ZFHX3: variants seen among roughly 807,000 people sequenced by gnomAD.
ZFHX3 encodes zinc finger homeobox 3.
ZFHX3 carries 42 observed loss-of-function variants against 279.1 expected under a neutral mutation model. The observed-to-expected ratio is 0.15, with a 90% confidence interval of 0.12 to 0.19. The LOEUF is 0.19. Ranked by LOEUF, ZFHX3 falls within the 10% of genes least tolerant of loss-of-function variation. The pLI, the probability that ZFHX3 is intolerant of heterozygous loss-of-function variation, is 1.00. For synonymous variants in ZFHX3, 2,293 were observed against 1,957.8 expected, an observed-to-expected ratio of 1.17 and a Z score of -4.52; for missense variants, 4,981 against 4,754.0, an observed-to-expected ratio of 1.05 and a Z score of -1.40.
intron 1 of ZFHX3, among the ~76,000 whole-genome samples, chr16:73,860,541 C>T (rs1010386979): frequency 3.9e-5 from 6 of 152,166 alleles, no homozygotes; most frequent in African/African-American, 1.4e-4. Flanking sequence ...AATACAAATG[C>T]ATCACATAAA....
chr16:72,788,414 G>T lies in ZFHX3; in HGVS notation c.9862C>A (p.Leu3288Met). 3 of 1,614,234 alleles carry T rather than the reference G, an allele frequency of 1.9e-6. No individual in the cohort carries two copies. Among genetic ancestry groups the T allele is most frequent in the East Asian group, 4.5e-5 (2 of 44,880 alleles). The change falls in exon 10 of 10, where the codon CTG becomes ATG. Residue 3288 changes from leucine (L) to methionine (M), a missense_variant. Around this residue, in one of 7 missense-constraint regions of ZFHX3, gnomAD observed 1,034 missense variants for 786.0 expected, o/e 1.32. Transcript: ENST00000268489. ...TMEYAVDPAQ[L>M]QALQAALTSD... ...GTCAACGCGGCCTGCAGGGCCTGCA[G>T]CTGTGCAGGGTCTACCGCATACTCC...
chr16:72,786,066 G>GGAAAGAGAAAGTGGAATTAAGGGACAA lies in ZFHX3; in HGVS notation c.*1071_*1097dup, dbSNP rs1218449277. On this transcript the variant is annotated 3_prime_UTR_variant, in exon 10 of 10. Coordinates refer to ENST00000268489, the MANE Select transcript of ZFHX3 (RefSeq NM_006885.4). ...GATTATAGGACGGGAGGTGGGAGAAGGAAAGAGAAAGTGGAATTAAGGGAC... is the reference window on the plus strand; with the variant it reads ...GATTATAGGACGGGAGGTGGGAGAAGGAAAGAGAAAGTGGAATTAAGGGACAAGAAAGAGAAAGTGGAATTAAGGGAC... The GGAAAGAGAAAGTGGAATTAAGGGACAA allele has an allele frequency of 5.3e-5, 8 of 152,020 alleles. No homozygotes were observed. Among genetic ancestry groups the GGAAAGAGAAAGTGGAATTAAGGGACAA allele is most frequent in the Admixed American group, 1.3e-4 (2 of 15,264 alleles). 9.4% of individuals were successfully genotyped at this position (152,020 alleles called of 1,614,324 possible).
intron 1 of ZFHX3, among the ~76,000 whole-genome samples, chr16:73,756,201 A>C (rs866011330): frequency 1.3e-5 from 2 of 152,234 alleles, no homozygotes; most frequent in Non-Finnish European, 2.9e-5. Flanking sequence ...AGGGCACTGC[A>C]CATGGTCTCA....
chr16:72,819,351 G>A (rs189364124), intron 5 of ZFHX3, among the ~76,000 whole-genome samples: 24 of 152,128 alleles, frequency 1.6e-4, no homozygotes, highest in Admixed American at 1.4e-3. Flanking sequence ...AGGACTTACT[G>A]TCTAGTTAAG....
intron 2 of ZFHX3, among the ~76,000 whole-genome samples, chr16:73,474,884 C>T (rs1257303715): frequency 6.6e-6 from 1 of 152,194 alleles, no homozygotes; most frequent in African/African-American, 2.4e-5. Flanking sequence ...AGGAAAGAAT[C>T]AACCATTGAC....
intron 1 of ZFHX3, among the ~76,000 whole-genome samples, chr16:73,751,417 T>C (rs1334656150): frequency 3.9e-5 from 6 of 152,198 alleles, no homozygotes; most frequent in Non-Finnish European, 5.9e-5. Context: ...TCATCCATTC[T>C]AGTTTTTAAA....
chr16:73,010,513 C>A (rs1001887505), intron 1 of ZFHX3, among the ~76,000 whole-genome samples: 2 of 152,208 alleles, frequency 1.3e-5, no homozygotes, highest in African/African-American at 4.8e-5. Flanking sequence ...TGCATTAAAG[C>A]GAAAATGCTG....
intron 1 of ZFHX3, among the ~76,000 whole-genome samples, chr16:73,884,575 C>T (rs1009683361): frequency 1.3e-5 from 2 of 152,156 alleles, no homozygotes; most frequent in Non-Finnish European, 2.9e-5. Flanking sequence ...GCCCTGAGTA[C>T]CAGTGGTGTT....
chr16:73,167,171 G>A (rs77573303), intron 5 of ZFHX3, among the ~76,000 whole-genome samples: 1,576 of 152,334 alleles, frequency 0.01, 15 homozygotes, highest in Non-Finnish European at 0.015. Flanking sequence ...AACTGGCTTT[G>A]TAACTGTATT....
chr16:72,794,871 G>A lies in ZFHX3; in HGVS notation c.7811C>T (p.Pro2604Leu). Residue 2604 changes from proline (P) to leucine (L), a missense_variant, in exon 9 of 10, where the codon CCT becomes CTT. Pro to Leu is a moderately conservative substitution (Grantham distance 98, BLOSUM62 -3). Transcript: ENST00000268489. This position sits in a 1 kb window ranked among gnomAD's most constrained non-coding sequence, Gnocchi z 4.2. ...GTTCATTGTGGAGGTTGGAGTTGAA[G>A]GAGAAGTGGCTGAGCTTGCTGGAAT... ...PQIPASSATS[P>L]STPTSTMNTL... is the part of the protein sequence containing the mutation. The A allele has an allele frequency of 6.2e-7, 1 of 1,614,032 alleles. No homozygotes were observed. The highest frequency in any genetic ancestry group is 2.2e-5 in the East Asian group (1 of 44,876).
In ZFHX3 at chr16:73,092,828, C is replaced by T. The variant is rs1306027448; in HGVS notation, c.-533+407G>A. On this transcript the variant is annotated intron_variant, in intron 8 of 17. Coordinates refer to the ZFHX3 transcript ENST00000641206. The stretch of plus-strand genomic sequence containing the variant: ...GTGCTCTCCACTGCCCTTACCTGAA[C>T]AGACGGCTCATGCAGACCCGGAGTT... 3 of 466,300 alleles carry T rather than the reference C, an allele frequency of 6.4e-6. No individual in the cohort carries two copies. In the Admixed American group the frequency reaches 7.1e-5, roughly 11 times the overall value. The allele number at this position is 466,300 out of a possible 1,614,324, so 28.9% of individuals were successfully genotyped here. A position where few individuals can be genotyped will look rare whatever the true frequency, so the allele number is the denominator to read the frequency against.
intron 3 of ZFHX3, among the ~76,000 whole-genome samples, chr16:73,355,808 G>C (rs1211494762): frequency 6.6e-6 from 1 of 152,178 alleles, no homozygotes; most frequent in Non-Finnish European, 1.5e-5. Context: ...CTGCTGATCT[G>C]TTCCAACAGA....
At chr16:73,221,818 C>T (rs2012430564) in intron 5 of ZFHX3, among the ~76,000 whole-genome samples, 1 of 151,986 alleles carries the variant, frequency 6.6e-6, no homozygotes, top group South Asian at 2.1e-4. Context: ...CTATTGTACA[C>T]ATTCTTAAAA....
intron 1 of ZFHX3, among the ~76,000 whole-genome samples, chr16:73,757,236 C>G (rs2053819357): frequency 1.3e-5 from 2 of 152,148 alleles, no homozygotes; most frequent in Admixed American, 1.3e-4. Flanking sequence ...AGAAGTCTGT[C>G]TATTTCACAC....
intron 1 of ZFHX3, among the ~76,000 whole-genome samples, chr16:73,852,580 A>T (rs778199463): frequency 1.3e-5 from 2 of 152,146 alleles, no homozygotes; most frequent in African/African-American, 4.8e-5. Context: ...AACTGACATG[A>T]TCTCATCTTT....
chr16:73,802,458 T>C (rs1033520925), intron 1 of ZFHX3, among the ~76,000 whole-genome samples: 8 of 152,234 alleles, frequency 5.3e-5, no homozygotes, highest in Non-Finnish European at 1.0e-4. Context: ...CATTTTGTGG[T>C]TGAAAGAATC....
chr16:72,938,728 G>C (rs566149612), intron 3 of ZFHX3, among the ~76,000 whole-genome samples: 1 of 152,358 alleles, frequency 6.6e-6, no homozygotes, highest in East Asian at 1.9e-4. Flanking sequence ...GAGGTGAAGA[G>C]AGCCGAGTAT....
chr16:72,881,801 G>A (rs1357824843), intron 4 of ZFHX3, among the ~76,000 whole-genome samples: 3 of 152,006 alleles, frequency 2.0e-5, no homozygotes, highest in African/African-American at 7.3e-5. Flanking sequence ...TCCAGGGACA[G>A]CACCCCCAAA....
At chr16:72,861,056 G>C (rs1267823878) in intron 4 of ZFHX3, among the ~76,000 whole-genome samples, 1 of 151,956 alleles carries the variant, frequency 6.6e-6, no homozygotes. Context: ...CTTTTCTCAC[G>C]CACCTTCCCT....
Sources: allele counts gnomAD v4.1 joint callset (sites outside exome capture counted in the v4.1 genomes callset), GRCh38; gene constraint gnomAD v4.1.1; regional missense constraint gnomAD v4.1.1; non-coding constraint Gnocchi (gnomAD v3.1); transcripts MANE v1.5; gene names NCBI Gene and HGNC (gene_info 2026-07-23, HGNC 2026-07-21).